MLC1: variants seen among roughly 807,000 people sequenced by gnomAD.
MLC1 encodes modulator of VRAC current 1, also known as membrane protein MLC1.
MLC1 carries 32 observed loss-of-function variants against 44.7 expected under a neutral mutation model. The observed-to-expected ratio is 0.72, with a 90% confidence interval of 0.54 to 0.96. MLC1 has a LOEUF of 0.96. Ranked by LOEUF, MLC1 falls within the 40% of genes least tolerant of loss-of-function variation. The pLI is 0.00. For synonymous variants in MLC1, 190 were observed against 213.0 expected (o/e 0.89, Z 0.94); for missense variants, 459 against 492.2 (o/e 0.93, Z 0.64).
Position 50,061,326 on chromosome 22 carries a change from A to G in MLC1, c.*257T>C. The G allele has an allele frequency of 1.9e-6, 1 of 531,178 alleles. No homozygotes were observed. Among genetic ancestry groups the G allele is most frequent in the Non-Finnish European group, 3.4e-6 (1 of 292,174 alleles). The allele number at this position is 531,178 out of a possible 1,614,324, so 32.9% of individuals were successfully genotyped here. A position where few individuals can be genotyped will look rare whatever the true frequency, so the allele number is the denominator to read the frequency against. ...CCGGGGGCCCTTCCTCGGCCTGGGA[A>G]GTTGCGGCCATGCTCCTGCTGTTAC... On this transcript the variant is annotated 3_prime_UTR_variant, in exon 12 of 12. Coordinates refer to ENST00000311597, the MANE Select transcript of MLC1 (RefSeq NM_015166.4).
intron 8 of MLC1, among the ~76,000 whole-genome samples, chr22:50,072,544 G>A (rs927921985): frequency 6.6e-6 from 1 of 152,186 alleles, no homozygotes; most frequent in Non-Finnish European, 1.5e-5. Flanking sequence ...CGGGAAGATG[G>A]AGAGAGCAGA....
At chr22:50,080,473 G>A (rs921807140) in intron 3 of MLC1, 76 bp from the exon 4 acceptor site, 26 of 1,419,270 alleles carry the variant, frequency 1.8e-5, no homozygotes, top group Middle Eastern at 3.5e-4. Flanking sequence ...TAACATTTGC[G>A]CTTCCAGAAG....
chr22:50,070,671 C>T (rs1377659247), intron 8 of MLC1, 88 bp from the exon 9 acceptor site: 6 of 1,381,206 alleles, frequency 4.3e-6, no homozygotes, highest in Non-Finnish European at 6.0e-6. Context: ...GTGACCCCTC[C>T]ATGCAGGCTG....
Position 50,081,008 on chromosome 22 carries a change from A to AG in MLC1, c.268-612_268-611insC, listed in dbSNP as rs1486531767. ...GTGATAGAGTGAGACCTTGTCTCAA[A>AG]AAAAGAAAGAAAGAAAGAAAGAAAG... On this transcript the variant is annotated intron_variant, in intron 3 of 11. Coordinates refer to ENST00000311597, the MANE Select transcript of MLC1 (RefSeq NM_015166.4). Among the ~76,000 whole-genome samples, 31 of 147,388 alleles carry AG rather than the reference A, an allele frequency of 2.1e-4. 1 individual carries two copies. Among genetic ancestry groups the AG allele is most frequent in the South Asian group, 1.1e-3 (5 of 4,644 alleles).
intron 8 of MLC1, among the ~76,000 whole-genome samples, chr22:50,073,542 C>A (rs1479927407): frequency 2.0e-5 from 3 of 152,072 alleles, no homozygotes; most frequent in African/African-American, 7.2e-5. Flanking sequence ...ACCAGCCTGG[C>A]CAACATGGCA....
intron 10 of MLC1, among the ~76,000 whole-genome samples, chr22:50,065,809 C>G (rs2061689875): frequency 6.6e-6 from 1 of 152,248 alleles, no homozygotes; most frequent in African/African-American, 2.4e-5. Flanking sequence ...CTCTACCCAG[C>G]AGTCTCTCTC....
At chr22:50,074,430 C>T in intron 7 of MLC1, 98 bp from the exon 8 acceptor site, 1 of 1,111,008 alleles carries the variant, frequency 9.0e-7, no homozygotes. Flanking sequence ...GAGCAGGGTC[C>T]AGTGGGCTGG....
rs762427442 is a variant in MLC1, at chr22:50,064,129, T to TGCCCGTGTTGAGGCCGGC, written c.946_963dup (p.Ala316_Gly321dup). ...TTGAAGCGCACGCACTGGATGGCGG[T>TGCCCGTGTTGAGGCCGGC]GCCCGTGTTGAGGCCGGCCTGCAGC... is the stretch of plus-strand genomic sequence containing the variant. On this transcript the variant is annotated inframe_insertion, in exon 11 of 12. Transcript: ENST00000311597. The TGCCCGTGTTGAGGCCGGC allele has an allele frequency of 1.2e-6, 2 of 1,609,186 alleles. No homozygotes were observed. Among genetic ancestry groups the TGCCCGTGTTGAGGCCGGC allele is most frequent in the African/African-American group, 2.7e-5 (2 of 74,840 alleles).
chr22:50,065,516 G>C (rs922024866), intron 10 of MLC1, among the ~76,000 whole-genome samples: 32 of 152,220 alleles, frequency 2.1e-4, no homozygotes, highest in Admixed American at 2.0e-3. Flanking sequence ...ATCACAGATG[G>C]AGCTGGTCTC....
intron 4 of MLC1, 75 bp from the exon 5 acceptor site, chr22:50,080,094 A>G (rs961622161): frequency 1.6e-6 from 2 of 1,239,676 alleles, no homozygotes; most frequent in South Asian, 2.4e-5. Context: ...ACCACACTTC[A>G]GGCCATTCAC....
intron 11 of MLC1, among the ~76,000 whole-genome samples, chr22:50,063,714 C>A: frequency 6.9e-6 from 1 of 144,238 alleles, no homozygotes; most frequent in South Asian, 2.3e-4. Flanking sequence ...CCTGGCTGAG[C>A]ACCCCTGTGG....
intron 9 of MLC1, among the ~76,000 whole-genome samples, chr22:50,069,768 A>C (rs2061804108): frequency 6.6e-6 from 1 of 152,058 alleles, no homozygotes; most frequent in Admixed American, 6.6e-5. Context: ...CCCACCCCAA[A>C]TCTTCCTGTT....
At position 50,083,612 on chromosome 22, in the gene MLC1, A is replaced by G. The variant is rs1187948647; in HGVS notation, c.178-439T>C. The stretch of plus-strand genomic sequence containing the variant: ...GAACCTAATTTCCAGATCTGGAAGA[A>G]GATCCCTCCAGGCAGGGGCTCCAGG... On this transcript the variant is annotated intron_variant, in intron 2 of 11. Coordinates refer to ENST00000311597, the MANE Select transcript of MLC1 (RefSeq NM_015166.4). The surrounding 1 kb of genome is among the most constrained non-coding windows in gnomAD (Gnocchi z 4.6). 6.6e-6 allele frequency among the ~76,000 whole-genome samples: 1 copy of G among 152,226 alleles called. No individual in the cohort carries two copies. Among genetic ancestry groups the G allele is most frequent in the Non-Finnish European group, 1.5e-5 (1 of 68,040 alleles).
chr22:50,061,392 A>G lies in MLC1; in HGVS notation c.*191T>C, dbSNP rs1267237867. 1.5e-6 allele frequency: 1 copy of G among 647,490 alleles called. No individual in the cohort carries two copies. Among genetic ancestry groups the G allele is most frequent in the Admixed American group, 2.3e-5 (1 of 44,018 alleles). The allele number at this position is 647,490 out of a possible 1,614,324, so 40.1% of individuals were successfully genotyped here. A position where few individuals can be genotyped will look rare whatever the true frequency, so the allele number is the denominator to read the frequency against. ...CGGAGCTGACTGATCTCACTGAGGC[A>G]CAGACTAGCCAACATTGGCCTATTT... On this transcript the variant is annotated 3_prime_UTR_variant, in exon 12 of 12. Transcript: ENST00000311597.
At position 50,076,916 on chromosome 22, in the gene MLC1, C is replaced by T. The variant is rs756356978; in HGVS notation, c.526-4G>A. ...TGGCGCTGTCAGACATGGAGCCCTA[C>T]GAAGAAACAGAACTGTCACCCCGGG... is the stretch of plus-strand genomic sequence containing the variant. On this transcript the variant is annotated splice_polypyrimidine_tract_variant and splice_region_variant and intron_variant, in intron 6 of 11. Transcript: ENST00000311597. The T allele has an allele frequency of 6.2e-6, 10 of 1,613,776 alleles. No homozygotes were observed. Among genetic ancestry groups the T allele is most frequent in the African/African-American group, 2.7e-5 (2 of 74,920 alleles).
intron 5 of MLC1, among the ~76,000 whole-genome samples, chr22:50,078,370 T>C (rs1194317876): frequency 6.6e-6 from 1 of 152,142 alleles, no homozygotes; most frequent in Non-Finnish European, 1.5e-5. Flanking sequence ...AAATATATGA[T>C]GTCATAACAG....
chr22:50,074,443 C>T, intron 7 of MLC1, 111 bp from the exon 8 acceptor site: 1 of 970,124 alleles, frequency 1.0e-6, no homozygotes, highest in South Asian at 1.3e-5. Flanking sequence ...TGGGCTGGCC[C>T]CAGATCTAAC....
At chr22:50,081,881 C>A (rs1213642030) in intron 3 of MLC1, among the ~76,000 whole-genome samples, 1 of 152,248 alleles carries the variant, frequency 6.6e-6, no homozygotes, top group Non-Finnish European at 1.5e-5. Context: ...CACAGCTCCA[C>A]TGGGACAAGG....
intron 9 of MLC1, 63 bp downstream of exon 9, chr22:50,070,464 C>G: frequency 6.8e-7 from 1 of 1,462,830 alleles, no homozygotes; most frequent in Non-Finnish European, 9.4e-7. Context: ...CAAGGGAGGG[C>G]TAGGCCAGGC....
Sources: allele counts gnomAD v4.1 joint callset (sites outside exome capture counted in the v4.1 genomes callset), GRCh38; gene constraint gnomAD v4.1.1; non-coding constraint Gnocchi (gnomAD v3.1); transcripts MANE v1.5; gene names NCBI Gene and HGNC (gene_info 2026-07-23, HGNC 2026-07-21).